The following KMT2C variants were observed in gnomAD, a reference collection of about 807,000 sequenced individuals.
KMT2C encodes the protein histone-lysine N-methyltransferase 2C.
Under a neutral mutation model 507.9 loss-of-function variants are expected in KMT2C, and 88 were observed. That is an observed-to-expected ratio of 0.17 (90% CI 0.15 to 0.21). The LOEUF (loss-of-function observed/expected upper bound fraction) is 0.21, where lower values mean the gene tolerates loss of function less well. KMT2C is among the 10% of genes least tolerant of loss of function. The pLI, the probability that KMT2C is intolerant of heterozygous loss-of-function variation, is 1.00. For synonymous variants in KMT2C, 2,049 were observed against 2,080.8 expected (o/e 0.98, Z 0.42); for missense variants, 4,954 against 5,957.8 (o/e 0.83, Z 5.55).
chr7:152,339,294 A>C (rs2096968154), intron 2 of KMT2C, among the ~76,000 whole-genome samples: 2 of 152,210 alleles, frequency 1.3e-5, no homozygotes, highest in African/African-American at 4.8e-5. Context: ...TAGAATTCTA[A>C]GAAAATATTA....
In KMT2C at chr7:152,259,446, G is replaced by GCACACACA. The variant is rs372982101; in HGVS notation, c.1299+3562_1299+3569dup. Among the ~76,000 whole-genome samples, 1,225 of 134,744 alleles carry GCACACACA rather than the reference G, an allele frequency of 9.1e-3. 8 individuals are homozygous for GCACACACA. The highest frequency in any genetic ancestry group is 0.014 in the South Asian group (55 of 3,906). The allele number at this position is 134,744 out of a possible 152,430, so 88.4% of individuals were successfully genotyped here. ...GACAAAAACACAGACACACACACGC[G>GCACACACA]CACACACACACACACACACACACAC... On this transcript the variant is annotated intron_variant, in intron 9 of 58. Coordinates refer to ENST00000262189, the MANE Select transcript of KMT2C (RefSeq NM_170606.3).
At chr7:152,328,496 G>A (rs2096851348) in intron 3 of KMT2C, among the ~76,000 whole-genome samples, 1 of 152,142 alleles carries the variant, frequency 6.6e-6, no homozygotes, top group African/African-American at 2.4e-5. Flanking sequence ...AGTGACAAAT[G>A]ACATGAGAGA....
chr7:152,173,807 G>A (rs1245267130), intron 39 of KMT2C, among the ~76,000 whole-genome samples: 1 of 152,034 alleles, frequency 6.6e-6, no homozygotes, highest in Non-Finnish European at 1.5e-5. Flanking sequence ...TAGATAACAT[G>A]AACAATTCTA....
intron 9 of KMT2C, among the ~76,000 whole-genome samples, chr7:152,259,462 A>G (rs1326778370): frequency 5.1e-4 from 75 of 146,902 alleles, no homozygotes; most frequent in African/African-American, 1.7e-3. Flanking sequence ...ACACACACAC[A>G]CACACACACA....
chr7:152,284,292 T>TA (rs2096264116), intron 6 of KMT2C, among the ~76,000 whole-genome samples: 1 of 152,028 alleles, frequency 6.6e-6, no homozygotes, highest in Admixed American at 6.6e-5. Context: ...AATACAGAAA[T>TA]AGACTCACTT....
chr7:152,401,596 T>C (rs537154575), intron 1 of KMT2C, among the ~76,000 whole-genome samples: 228 of 152,170 alleles, frequency 1.5e-3, no homozygotes, highest in African/African-American at 5.2e-3. Context: ...AAGGCTGAGG[T>C]AGGAGAATAG....
intron 26 of KMT2C, 93 bp downstream of exon 26, chr7:152,202,841 T>C: frequency 9.5e-7 from 1 of 1,054,182 alleles, no homozygotes. Context: ...AAGTAAAACA[T>C]TAACAAAAAC....
chr7:152,218,089 T>C (rs1478966172), intron 23 of KMT2C, among the ~76,000 whole-genome samples: 1 of 152,196 alleles, frequency 6.6e-6, no homozygotes, highest in Non-Finnish European at 1.5e-5. Context: ...TCAGAAAGTG[T>C]TTCTCCCAGT....
intron 18 of KMT2C, among the ~76,000 whole-genome samples, chr7:152,229,463 A>G (rs945372420): frequency 1.3e-5 from 2 of 152,174 alleles, no homozygotes; most frequent in Admixed American, 6.5e-5. Context: ...GATTATTACC[A>G]ATTGCATTAA....
chr7:152,156,890 C>T (rs901719855), intron 44 of KMT2C, among the ~76,000 whole-genome samples: 2 of 151,958 alleles, frequency 1.3e-5, no homozygotes, highest in African/African-American at 4.8e-5. Flanking sequence ...TAATGTAGTT[C>T]CTCTTCAGAC....
Position 152,332,851 on chromosome 7 carries a change from A to AACACACACACACACAC in KMT2C, c.251-2128_251-2113dup, listed in dbSNP as rs35781658. On this transcript the variant is annotated intron_variant, in intron 2 of 58. Coordinates refer to ENST00000262189, the MANE Select transcript of KMT2C (RefSeq NM_170606.3). ...CAACAGGAATGAAACTGCGTCTCAA[A>AACACACACACACACAC]ACACACACACACACACACACACACA... 2.4e-3 allele frequency among the ~76,000 whole-genome samples: 330 copies of AACACACACACACACAC among 138,586 alleles called. 2 individuals carry two copies. The highest frequency in any genetic ancestry group is 9.6e-3 in the South Asian group (40 of 4,154). 90.9% of individuals were successfully genotyped at this position (138,586 alleles called of 152,430 possible).
chr7:152,208,543 A>G (rs993506273), intron 23 of KMT2C, among the ~76,000 whole-genome samples: 27 of 152,236 alleles, frequency 1.8e-4, no homozygotes, highest in African/African-American at 6.3e-4. Flanking sequence ...GATACCTAAT[A>G]CATGTTCAAT....
intron 2 of KMT2C, among the ~76,000 whole-genome samples, chr7:152,348,828 G>A (rs1037279875): frequency 6.6e-6 from 1 of 152,082 alleles, no homozygotes; most frequent in Non-Finnish European, 1.5e-5. Context: ...TAAGTACACA[G>A]AGCAACAGAA....
At chr7:152,156,547 A>G (rs919310353) in intron 44 of KMT2C, among the ~76,000 whole-genome samples, 5 of 152,208 alleles carry the variant, frequency 3.3e-5, no homozygotes, top group African/African-American at 1.2e-4. Flanking sequence ...TTTTATGGAC[A>G]TACCAACTTG....
intron 2 of KMT2C, among the ~76,000 whole-genome samples, chr7:152,344,207 T>C (rs961893578): frequency 4.6e-5 from 7 of 152,228 alleles, no homozygotes; most frequent in African/African-American, 1.4e-4. Flanking sequence ...AAAATTACAG[T>C]GGTGCCATCT....
intron 7 of KMT2C, among the ~76,000 whole-genome samples, chr7:152,272,462 CA>C (rs1323018926): frequency 6.6e-6 from 1 of 152,084 alleles, no homozygotes; most frequent in Non-Finnish European, 1.5e-5. Context: ...ATTGAGATGA[CA>C]AAGTATATTT....
intron 1 of KMT2C, among the ~76,000 whole-genome samples, chr7:152,359,681 G>A (rs1484284275): frequency 6.6e-6 from 1 of 151,808 alleles, no homozygotes; most frequent in Non-Finnish European, 1.5e-5. Context: ...AAACAAAGAA[G>A]GGAGGGAGGG....
At chr7:152,423,614 T>C (rs1199949632) in intron 1 of KMT2C, among the ~76,000 whole-genome samples, 1 of 152,128 alleles carries the variant, frequency 6.6e-6, no homozygotes, top group African/African-American at 2.4e-5. Flanking sequence ...CCTGATGACT[T>C]TGCAGTGTAG....
chr7:152,399,176 G>C (rs1429623372), intron 1 of KMT2C, among the ~76,000 whole-genome samples: 1 of 152,094 alleles, frequency 6.6e-6, no homozygotes, highest in Non-Finnish European at 1.5e-5. Context: ...ACCACTTAAA[G>C]CTGCTATTAT....
Sources: allele counts gnomAD v4.1 joint callset (sites outside exome capture counted in the v4.1 genomes callset), GRCh38; gene constraint gnomAD v4.1.1; transcripts MANE v1.5; gene names NCBI Gene and HGNC (gene_info 2026-07-23, HGNC 2026-07-21).